LRRC49: variants seen among roughly 807,000 people sequenced by gnomAD.
LRRC49 encodes the protein leucine rich repeat containing 49, also known as leucine-rich repeat-containing protein 49.
LRRC49 carries 50 observed loss-of-function variants against 83.3 expected under a neutral mutation model. That is an observed-to-expected ratio of 0.60 (90% CI 0.48 to 0.76). The LOEUF is 0.76. Ranked by LOEUF, LRRC49 falls within the 30% of genes least tolerant of loss-of-function variation. The pLI is 0.00. For synonymous variants in LRRC49, 286 were observed against 283.3 expected (o/e 1.01, Z -0.10); for missense variants, 704 against 809.1 (o/e 0.87, Z 1.58).
rs2036671016 is a variant in LRRC49, at chr15:70,963,257, CAG to C, written c.774-525_774-524del. On this transcript the variant is annotated intron_variant, in intron 8 of 15. Coordinates refer to ENST00000260382, the MANE Select transcript of LRRC49 (RefSeq NM_017691.5). ...CACCACTGAAACCCAGCCTGGATGA[CAG>C]AGTGAGACCTGGTCTCAAAAAAAAA... Among the ~76,000 whole-genome samples the C allele has an allele frequency of 4.0e-5, 5 of 123,606 alleles. No homozygotes were observed. In the Admixed American group the frequency reaches 5.2e-4, roughly 13 times the overall value. 81.1% of individuals were successfully genotyped at this position (123,606 alleles called of 152,430 possible). A position where few individuals can be genotyped will look rare whatever the true frequency, so the allele number is the denominator to read the frequency against.
Position 70,858,752 on chromosome 15 carries a change from A to G in LRRC49, c.-299+5283A>G, listed in dbSNP as rs1232409435. On this transcript the variant is annotated intron_variant, in intron 1 of 16. Coordinates refer to the LRRC49 transcript ENST00000544974. Reference sequence around the variant, plus strand: ...GACCCAGAAGTCCTACAAGATGTCCACCTCTGGCCCCCGGGCCTTCAGCAG... The same window carrying G: ...GACCCAGAAGTCCTACAAGATGTCCGCCTCTGGCCCCCGGGCCTTCAGCAG... The G allele has an allele frequency of 3.5e-6, 4 of 1,147,398 alleles. No homozygotes were observed. In the African/African-American group the frequency reaches 6.1e-5, roughly 17 times the overall value. The allele number at this position is 1,147,398 out of a possible 1,614,324, so 71.1% of individuals were successfully genotyped here.
Position 70,886,331 on chromosome 15 carries a change from C to T in LRRC49, c.19-7253C>T, listed in dbSNP as rs572249054. ...CAGGACCCAGATTTTCCTCTATCAACACCACTTTACTGAATTCTACATTTG... is the reference window on the plus strand; with the variant it reads ...CAGGACCCAGATTTTCCTCTATCAATACCACTTTACTGAATTCTACATTTG... On this transcript the variant is annotated intron_variant, in intron 2 of 16. Transcript: ENST00000544974. 4.6e-5 allele frequency among the ~76,000 whole-genome samples: 7 copies of T among 152,280 alleles called. No individual in the cohort carries two copies. The South Asian group carries it at 1.0e-3, about 23-fold the overall frequency.
intron 8 of LRRC49, among the ~76,000 whole-genome samples, chr15:70,949,801 T>G (rs941028014): frequency 6.6e-6 from 1 of 152,162 alleles, no homozygotes; most frequent in African/African-American, 2.4e-5. Flanking sequence ...ATATTTTATA[T>G]TTTGTTTTTA....
chr15:70,872,405 T>G (rs1395317425), intron 1 of LRRC49, among the ~76,000 whole-genome samples: 2 of 125,328 alleles, frequency 1.6e-5, no homozygotes, highest in Non-Finnish European at 1.6e-5. Context: ...GACGGAGACG[T>G]AGGGGAGAGG....
chr15:71,013,656 A>C (rs2038732445), intron 14 of LRRC49, among the ~76,000 whole-genome samples: 1 of 152,196 alleles, frequency 6.6e-6, no homozygotes, highest in Non-Finnish European at 1.5e-5. Flanking sequence ...AGAAATAGTC[A>C]AGGATGGTTG....
chr15:70,946,668 C>T (rs1298502373), intron 8 of LRRC49, among the ~76,000 whole-genome samples: 1 of 152,096 alleles, frequency 6.6e-6, no homozygotes, highest in African/African-American at 2.4e-5. Context: ...AACCTCCATA[C>T]TCTTTTTTAT....
At chr15:70,893,269 G>A in intron 1 of LRRC49, 1 of 551,780 alleles carries the variant, frequency 1.8e-6, no homozygotes, top group Non-Finnish European at 3.2e-6. Flanking sequence ...TTATCATTAG[G>A]GACTCCCACC....
At chr15:70,881,012 C>A (rs1411728125) in intron 2 of LRRC49, among the ~76,000 whole-genome samples, 1 of 152,098 alleles carries the variant, frequency 6.6e-6, no homozygotes, top group Non-Finnish European at 1.5e-5. Flanking sequence ...TTGCTTGAGG[C>A]CAGGAGTTTG....
At chr15:70,941,511 A>AG (rs1443205958) in intron 8 of LRRC49, among the ~76,000 whole-genome samples, 1 of 151,204 alleles carries the variant, frequency 6.6e-6, no homozygotes, top group Non-Finnish European at 1.5e-5. Context: ...AAAAAAAAAA[A>AG]GAAAAGAAAA....
chr15:70,900,603 T>C (rs1465762354), intron 3 of LRRC49: 2 of 462,376 alleles, frequency 4.3e-6, no homozygotes, highest in South Asian at 1.5e-5. Context: ...ACTATCATTT[T>C]AGTTATAGAC....
chr15:70,853,871 G>A (rs2032563821), intron 1 of LRRC49: 7 of 1,260,498 alleles, frequency 5.6e-6, no homozygotes, highest in South Asian at 5.6e-5. Context: ...CACCTCCCGG[G>A]CCAGCCGCCG....
In LRRC49 at chr15:70,904,752, A is replaced by G; in HGVS notation, c.497A>G (p.Asn166Ser). The G allele has an allele frequency of 6.2e-7, 1 of 1,610,612 alleles. No homozygotes were observed. The highest frequency in any genetic ancestry group is 1.1e-5 in the South Asian group (1 of 90,634). ...CTTCGTGTCCTTCTGTTGGGGAAAA[A>G]CAGGTATTCTTTGTAGAGCAGTTTT... is the stretch of plus-strand genomic sequence containing the variant. ...RCLRVLLLGK[N>S]RIKKISNLEN... is the part of the protein sequence containing the mutation. The change falls in exon 5 of 16, where the codon AAC becomes AGC. Residue 166 changes from asparagine to serine, a missense_variant. By Grantham distance (46) the Asn-to-Ser change is conservative. Transcript: ENST00000260382.
intron 6 of LRRC49, among the ~76,000 whole-genome samples, chr15:70,916,664 G>A (rs1303548530): frequency 2.0e-5 from 3 of 152,150 alleles, no homozygotes; most frequent in African/African-American, 7.2e-5. Context: ...AGCTGCAGCA[G>A]GGAGGCGTGG....
chr15:70,904,635 T>G lies in LRRC49; in HGVS notation c.380T>G (p.Ile127Arg), dbSNP rs1348351249. The change falls in exon 5 of 16, where the codon ATA becomes AGA. Residue 127 changes from isoleucine to arginine, a missense_variant. Around this residue, in one of 3 missense-constraint regions of LRRC49, gnomAD observed 261 missense variants for 330.5 expected, o/e 0.79. Coordinates refer to ENST00000260382, the MANE Select transcript of LRRC49 (RefSeq NM_017691.5). ...LNFQHNFITRIQNISNLQKLI... is the reference protein window; with the variant it reads ...LNFQHNFITRRQNISNLQKLI... ...TTTCAACACAATTTTATAACTCGGATACAAAATATTTCTAATCTACAGAAG... is the reference window on the plus strand; with the variant it reads ...TTTCAACACAATTTTATAACTCGGAGACAAAATATTTCTAATCTACAGAAG... The G allele has an allele frequency of 6.2e-7, 1 of 1,613,292 alleles. No homozygotes were observed. Among genetic ancestry groups the G allele is most frequent in the African/African-American group, 1.3e-5 (1 of 74,922 alleles).
chr15:70,964,438 G>GGTACTACACTTT (rs2036721217), intron 9 of LRRC49, among the ~76,000 whole-genome samples: 1 of 152,102 alleles, frequency 6.6e-6, no homozygotes, highest in African/African-American at 2.4e-5. Context: ...TAGAAAATAA[G>GGTACTACACTTT]GTACTACACT....
chr15:70,880,605 C>T (rs2033244238), intron 2 of LRRC49, among the ~76,000 whole-genome samples: 1 of 152,006 alleles, frequency 6.6e-6, no homozygotes, highest in African/African-American at 2.4e-5. Flanking sequence ...TAAAATAAAG[C>T]CAGTATTTCC....
chr15:71,049,475 A>G lies in LRRC49; in HGVS notation c.1924A>G (p.Ile642Val), dbSNP rs369564990. Residue 642 changes from isoleucine to valine, a missense_variant, in exon 16 of 16, where the codon ATC becomes GTC. Coordinates refer to ENST00000260382, the MANE Select transcript of LRRC49 (RefSeq NM_017691.5). Reference sequence around the variant, plus strand: ...AGACCTTGTGAAGGAAGCCACAGAAATCAACATGAAAAATGAGGCTTTGCA... The same window carrying G: ...AGACCTTGTGAAGGAAGCCACAGAAGTCAACATGAAAAATGAGGCTTTGCA... ...IEDLVKEATE[I>V]NMKNEALQKL... is the part of the protein sequence containing the mutation. 68 of 1,613,820 alleles carry G rather than the reference A, an allele frequency of 4.2e-5. No homozygotes were observed. In the African/African-American group the frequency reaches 7.7e-4, roughly 18 times the overall value.
chr15:71,028,357 T>C (rs2039240998), intron 14 of LRRC49, among the ~76,000 whole-genome samples: 1 of 152,056 alleles, frequency 6.6e-6, no homozygotes. Flanking sequence ...CAGTATTATA[T>C]TGAGGATTTT....
At chr15:70,880,883 G>A (rs2033249361) in intron 2 of LRRC49, among the ~76,000 whole-genome samples, 1 of 152,146 alleles carries the variant, frequency 6.6e-6, no homozygotes, top group Admixed American at 6.6e-5. Flanking sequence ...CTTATTGATG[G>A]GATTTAGCTT....
Sources: gnomAD v4.1 joint callset for allele counts (sites outside exome capture counted in the v4.1 genomes callset) on GRCh38, gnomAD v4.1.1 for gene constraint, gnomAD v4.1.1 regional missense constraint, MANE v1.5 for transcripts, NCBI Gene and HGNC (gene_info 2026-07-23, HGNC 2026-07-21) for gene names.